The following SLC1A2 variants were observed in gnomAD, a reference collection of about 807,000 sequenced individuals.
The protein encoded by SLC1A2 is solute carrier family 1 member 2, also known as excitatory amino acid transporter 2.
Under a neutral mutation model 48.8 loss-of-function variants are expected in SLC1A2, and 15 were observed. The observed-to-expected ratio is 0.31, with a 90% confidence interval of 0.21 to 0.47. The LOEUF is 0.47. Ranked by LOEUF, SLC1A2 falls within the 20% of genes least tolerant of loss-of-function variation. SLC1A2 has a pLI of 0.99. For synonymous variants in SLC1A2, 279 were observed against 272.6 expected (o/e 1.02, Z -0.23); for missense variants, 502 against 730.5 (o/e 0.69, Z 3.61).
At position 35,254,987 on chromosome 11, in the gene SLC1A2, G is replaced by A; in HGVS notation, c.*5907C>T. 1 of 290,914 alleles carries A rather than the reference G, an allele frequency of 3.4e-6. No homozygotes were observed. Among genetic ancestry groups the A allele is most frequent in the Non-Finnish European group, 6.8e-6 (1 of 147,140 alleles). 18.0% of individuals were successfully genotyped at this position (290,914 alleles called of 1,614,324 possible). Reference sequence around the variant, plus strand: ...CTCACTTTTCTACAGGTTCTTATCTGGGTCAATGAAGAAATTGTGTTTATC... The same window carrying A: ...CTCACTTTTCTACAGGTTCTTATCTAGGTCAATGAAGAAATTGTGTTTATC... On this transcript the variant is annotated 3_prime_UTR_variant, in exon 11 of 11. Coordinates refer to ENST00000278379, the MANE Select transcript of SLC1A2 (RefSeq NM_004171.4).
intron 1 of SLC1A2, among the ~76,000 whole-genome samples, chr11:35,346,224 G>A (rs1853027830): frequency 6.6e-6 from 1 of 152,114 alleles, no homozygotes; most frequent in Admixed American, 6.5e-5. Context: ...TGTTCTTAAT[G>A]CATCTTAGCC....
rs1308569236 is a variant in SLC1A2 at position 35,259,782 on chromosome 11, T to C, written c.*1112A>G. 1 of 152,234 alleles carries C rather than the reference T, an allele frequency of 6.6e-6. No homozygotes were observed. The highest frequency in any genetic ancestry group is 1.5e-5 in the Non-Finnish European group (1 of 68,046). The allele number at this position is 152,234 out of a possible 1,614,324, so 9.4% of individuals were successfully genotyped here. A position where few individuals can be genotyped will look rare whatever the true frequency, so the allele number is the denominator to read the frequency against. On this transcript the variant is annotated 3_prime_UTR_variant, in exon 11 of 11. Coordinates refer to ENST00000278379, the MANE Select transcript of SLC1A2 (RefSeq NM_004171.4). ...CTATAACTGGTTTTATGTGCTTTGATAGAAGATAACAAAACGCTTTCAACA... is the reference window on the plus strand; with the variant it reads ...CTATAACTGGTTTTATGTGCTTTGACAGAAGATAACAAAACGCTTTCAACA...
In SLC1A2 at chr11:35,254,951, T is replaced by C; in HGVS notation, c.*5943A>G. 3.0e-6 allele frequency: 1 copy of C among 330,094 alleles called. No homozygotes were observed. The highest frequency in any genetic ancestry group is 2.4e-5 in the South Asian group (1 of 41,804). The allele number at this position is 330,094 out of a possible 1,614,324, so 20.4% of individuals were successfully genotyped here. ...ATTTAGGATAAATGAAATAGGAACT[T>C]AGGGGCATCTCTCACTTTTCTACAG... On this transcript the variant is annotated 3_prime_UTR_variant, in exon 11 of 11. Transcript: ENST00000278379.
chr11:35,393,096 T>C (rs903651786), intron 1 of SLC1A2, among the ~76,000 whole-genome samples: 1 of 152,184 alleles, frequency 6.6e-6, no homozygotes, highest in Admixed American at 6.5e-5. Flanking sequence ...AAGTATCTGG[T>C]CCTAGATTCA....
At chr11:35,356,066 A>G (rs780662198) in intron 1 of SLC1A2, among the ~76,000 whole-genome samples, 2 of 152,172 alleles carry the variant, frequency 1.3e-5, no homozygotes, top group Non-Finnish European at 2.9e-5. Flanking sequence ...TGCATGGCCA[A>G]CTGCCCATGA....
Position 35,401,896 on chromosome 11 carries a change from C to G in SLC1A2, c.17+17054G>C, listed in dbSNP as rs193165516. ...CACCCCCTACTTCCAAGGCTCGGGC[C>G]CTCTATGATGCTCCTGCCTAGTGGC... On this transcript the variant is annotated intron_variant, in intron 1 of 10. Transcript: ENST00000278379. 3.2e-3 allele frequency among the ~76,000 whole-genome samples: 482 copies of G among 152,216 alleles called. 4 individuals carry two copies. The highest frequency in any genetic ancestry group is 0.011 in the African/African-American group (456 of 41,522).
In SLC1A2 at chr11:35,324,468, T is replaced by C. The variant is rs146353694; in HGVS notation, c.18-6952A>G. On this transcript the variant is annotated intron_variant, in intron 1 of 10. Transcript: ENST00000278379. Reference sequence around the variant, plus strand: ...TCATTACAGAGCTCCAGTGAGATGATATCTATGAAAGCACTGATATAGTAT... The same window carrying C: ...TCATTACAGAGCTCCAGTGAGATGACATCTATGAAAGCACTGATATAGTAT... Among the ~76,000 whole-genome samples, 380 of 152,358 alleles carry C rather than the reference T, an allele frequency of 2.5e-3. 1 individual carries two copies. Among genetic ancestry groups the C allele is most frequent in the African/African-American group, 8.7e-3 (360 of 41,574 alleles).
chr11:35,315,214 C>T, intron 2 of SLC1A2, 39 bp from the exon 3 acceptor site: 3 of 1,578,644 alleles, frequency 1.9e-6, no homozygotes, highest in Non-Finnish European at 2.6e-6. Flanking sequence ...TTATTTTTTG[C>T]CTTCGTCAAA....
chr11:35,310,481 A>G (rs531145876), intron 4 of SLC1A2, among the ~76,000 whole-genome samples: 1 of 152,296 alleles, frequency 6.6e-6, no homozygotes, highest in South Asian at 2.1e-4. Context: ...TTCCTTTAAT[A>G]TAGGTCCATG....
At chr11:35,282,185 A>AC (rs570911973) in intron 8 of SLC1A2, among the ~76,000 whole-genome samples, 3 of 151,272 alleles carry the variant, frequency 2.0e-5, no homozygotes, top group African/African-American at 4.9e-5. Context: ...TGATCTACAG[A>AC]CCCCCCAACC....
At chr11:35,311,897 G>GAGAGAGAGAGAGAGAGAGAGA (rs1565233384) in intron 4 of SLC1A2, among the ~76,000 whole-genome samples, 1 of 25,700 alleles carries the variant, frequency 3.9e-5, no homozygotes. Flanking sequence ...AGAGAGGGAG[G>GAGAGAGAGAGAGAGAGAGAGA]GAGAGAGAGA....
intron 1 of SLC1A2, among the ~76,000 whole-genome samples, chr11:35,358,972 T>TA (rs11387745): frequency 1.2e-3 from 184 of 152,310 alleles, no homozygotes; most frequent in African/African-American, 4.3e-3. Context: ...TTAGTACTAT[T>TA]AAAAAATACC....
chr11:35,380,707 A>G (rs1236183265), intron 1 of SLC1A2, among the ~76,000 whole-genome samples: 5 of 152,232 alleles, frequency 3.3e-5, no homozygotes, highest in African/African-American at 1.2e-4. Flanking sequence ...GATTCTCCCT[A>G]TAGTGACAGC....
chr11:35,359,960 C>T (rs959064504), intron 1 of SLC1A2: 25 of 306,542 alleles, frequency 8.2e-5, no homozygotes, highest in Non-Finnish European at 1.1e-4. Context: ...TTTCATTTCT[C>T]CTCCCTCTCC....
intron 9 of SLC1A2, among the ~76,000 whole-genome samples, chr11:35,277,442 A>G (rs1048660268): frequency 3.3e-5 from 5 of 152,264 alleles, no homozygotes; most frequent in African/African-American, 1.2e-4. Context: ...ATGGAGACAG[A>G]TGTAAAGACA....
chr11:35,402,706 C>T (rs180736084), intron 1 of SLC1A2, among the ~76,000 whole-genome samples: 5 of 152,284 alleles, frequency 3.3e-5, no homozygotes, highest in Non-Finnish European at 7.4e-5. Flanking sequence ...GGGACTGAGC[C>T]CTCAATCTGT....
At chr11:35,380,897 G>A (rs115555538) in intron 1 of SLC1A2, among the ~76,000 whole-genome samples, 5,057 of 152,218 alleles carry the variant, frequency 0.033, 287 homozygotes, top group African/African-American at 0.11. Context: ...GATTCACAGT[G>A]ACTGCTAAAG....
chr11:35,404,837 T>C (rs1855237335), intron 1 of SLC1A2, among the ~76,000 whole-genome samples: 1 of 152,232 alleles, frequency 6.6e-6, no homozygotes, highest in Admixed American at 6.5e-5. Flanking sequence ...TGCTTGGTTC[T>C]CGCAACTAAC....
At chr11:35,329,210 G>C (rs1852348163) in intron 1 of SLC1A2, among the ~76,000 whole-genome samples, 1 of 152,180 alleles carries the variant, frequency 6.6e-6, no homozygotes, top group African/African-American at 2.4e-5. Flanking sequence ...AACTATGGAG[G>C]GGCATGGTGC....
Sources: allele counts gnomAD v4.1 joint callset (sites outside exome capture counted in the v4.1 genomes callset), GRCh38; gene constraint gnomAD v4.1.1; transcripts MANE v1.5; gene names NCBI Gene and HGNC (gene_info 2026-07-23, HGNC 2026-07-21).